SORCS3: variants seen among roughly 807,000 people sequenced by gnomAD.
SORCS3 encodes the protein sortilin related VPS10 domain containing receptor 3, also known as VPS10 domain-containing receptor SorCS3.
SORCS3 carries 57 observed loss-of-function variants against 146.3 expected under a neutral mutation model. The observed-to-expected ratio is 0.39, with a 90% CI of 0.31 to 0.49. The LOEUF (loss-of-function observed/expected upper bound fraction) is 0.49. Ranked by LOEUF, SORCS3 falls within the 20% of genes least tolerant of loss-of-function variation. The pLI is 0.92. For synonymous variants in SORCS3, 653 were observed against 618.5 expected (o/e 1.06, Z -0.83); for missense variants, 1,341 against 1,575.5 (o/e 0.85, Z 2.52).
At position 105,248,644 on chromosome 10, in the gene SORCS3, G is replaced by A. The variant is rs563940940; in HGVS notation, c.3105+1313G>A. 5.3e-5 allele frequency among the ~76,000 whole-genome samples: 8 copies of A among 151,550 alleles called. No homozygotes were observed. The South Asian group carries it at 1.5e-3, about 28-fold the overall frequency. On this transcript the variant is annotated intron_variant, in intron 22 of 26. Coordinates refer to ENST00000369701, the MANE Select transcript of SORCS3 (RefSeq NM_014978.3). ...CAGGAGAGTCACCTGAACCCAAAAGGCGGAGGTTGCATGAGCCGAGATATT... is the reference window on the plus strand; with the variant it reads ...CAGGAGAGTCACCTGAACCCAAAAGACGGAGGTTGCATGAGCCGAGATATT...
chr10:105,259,116 C>A (rs1386067866), intron 25 of SORCS3, among the ~76,000 whole-genome samples: 2 of 152,186 alleles, frequency 1.3e-5, no homozygotes, highest in East Asian at 3.8e-4. Flanking sequence ...TTGCTTCTTT[C>A]ATTACTATCC....
chr10:105,217,751 C>T, intron 19 of SORCS3: 1 of 450,530 alleles, frequency 2.2e-6, no homozygotes, highest in South Asian at 1.6e-5. Flanking sequence ...AGTTGGTGTT[C>T]CAAAATATTT....
chr10:105,190,915 A>C (rs1254046238), intron 14 of SORCS3, among the ~76,000 whole-genome samples: 1 of 152,202 alleles, frequency 6.6e-6, no homozygotes, highest in Non-Finnish European at 1.5e-5. Context: ...TATAGCAATC[A>C]CTATAAAATA....
chr10:104,680,760 G>C (rs1249534199), intron 1 of SORCS3, among the ~76,000 whole-genome samples: 1 of 152,260 alleles, frequency 6.6e-6, no homozygotes, highest in African/African-American at 2.4e-5. Flanking sequence ...ATGACTTCCA[G>C]GTTCTCTGGA....
intron 3 of SORCS3, among the ~76,000 whole-genome samples, chr10:104,959,600 G>A (rs1003573610): frequency 2.0e-5 from 3 of 152,142 alleles, no homozygotes; most frequent in African/African-American, 7.2e-5. Flanking sequence ...AGCCCCAGTG[G>A]ACTAAAACAG....
rs754266141 is a variant in SORCS3, at chr10:105,216,943, T to A, written c.2555T>A (p.Leu852Gln). 1 of 1,614,190 alleles carries A rather than the reference T, an allele frequency of 6.2e-7. No individual in the cohort carries two copies. The highest frequency in any genetic ancestry group is 2.2e-5 in the East Asian group (1 of 44,876). Residue 852 changes from leucine (L) to glutamine (Q), a missense_variant, in exon 19 of 27, where the codon CTA (leucine) becomes CAA (glutamine). By Grantham distance (113) the Leu-to-Gln change is moderately radical. Transcript: ENST00000369701. ...TFIILMEEGD[L>Q]QRTNIQLDFG... ...TGCTATGCCATCTTGCAGGGTGATC[T>A]ACAAAGGACAAACATCCAGCTTGAC...
At chr10:105,192,349 C>G (rs983692004) in intron 14 of SORCS3, among the ~76,000 whole-genome samples, 3 of 151,954 alleles carry the variant, frequency 2.0e-5, no homozygotes, top group Non-Finnish European at 4.4e-5. Flanking sequence ...GGTAAGCCAT[C>G]CCAAGCAGAG....
intron 3 of SORCS3, among the ~76,000 whole-genome samples, chr10:104,923,205 T>C (rs1192898397): frequency 6.6e-6 from 1 of 152,242 alleles, no homozygotes; most frequent in Non-Finnish European, 1.5e-5. Flanking sequence ...ACAGTGTTTT[T>C]CAGAGGGCTT....
At chr10:104,973,001 T>G (rs1467879848) in intron 3 of SORCS3, among the ~76,000 whole-genome samples, 1 of 152,182 alleles carries the variant, frequency 6.6e-6, no homozygotes, top group Non-Finnish European at 1.5e-5. Flanking sequence ...TTATATTTAT[T>G]GATTTGCGTA....
intron 5 of SORCS3, among the ~76,000 whole-genome samples, chr10:105,074,319 T>C (rs909326954): frequency 6.6e-6 from 1 of 152,172 alleles, no homozygotes; most frequent in Non-Finnish European, 1.5e-5. Context: ...GTCTCTAGTC[T>C]CTCATTGATA....
intron 1 of SORCS3, among the ~76,000 whole-genome samples, chr10:104,663,409 T>C (rs1423312883): frequency 6.6e-6 from 1 of 152,234 alleles, no homozygotes; most frequent in Non-Finnish European, 1.5e-5. Flanking sequence ...TTGTACTCCC[T>C]ACCCTGCAGT....
At chr10:104,977,730 C>CTTTTTTTTTTTT (rs796233007) in intron 4 of SORCS3, among the ~76,000 whole-genome samples, 23 of 122,894 alleles carry the variant, frequency 1.9e-4, no homozygotes, top group East Asian at 4.6e-4. Context: ...CTTTTCTTTT[C>CTTTTTTTTTTTT]TTTTTTTTTT....
chr10:105,247,585 T>C (rs899096756), intron 22 of SORCS3, among the ~76,000 whole-genome samples: 3 of 152,110 alleles, frequency 2.0e-5, no homozygotes, highest in Middle Eastern at 3.4e-3. Flanking sequence ...CTCCCTCTAC[T>C]AAAAATACAA....
chr10:105,060,856 C>T (rs920715038), intron 5 of SORCS3, among the ~76,000 whole-genome samples: 2 of 151,702 alleles, frequency 1.3e-5, no homozygotes, highest in Admixed American at 6.6e-5. Context: ...AGAATCCCTT[C>T]AACCCGGGAG....
intron 1 of SORCS3, among the ~76,000 whole-genome samples, chr10:104,658,515 CA>C (rs2015659849): frequency 6.6e-6 from 1 of 152,122 alleles, no homozygotes; most frequent in Non-Finnish European, 1.5e-5. Context: ...TCACTTGGCT[CA>C]GTTTGTATTT....
At chr10:104,839,718 G>A (rs76324197) in intron 1 of SORCS3, among the ~76,000 whole-genome samples, 8,132 of 152,218 alleles carry the variant, frequency 0.053, 661 homozygotes, top group African/African-American at 0.18. Context: ...ATTCACAGAA[G>A]TGTGGAAGGA....
intron 1 of SORCS3, among the ~76,000 whole-genome samples, chr10:104,774,009 C>T (rs554189191): frequency 6.6e-6 from 1 of 152,344 alleles, no homozygotes; most frequent in Admixed American, 6.5e-5. Context: ...CACCTATCCT[C>T]TGTTCCTTCT....
At chr10:105,237,775 G>A (rs1279141989) in intron 20 of SORCS3, among the ~76,000 whole-genome samples, 1 of 152,124 alleles carries the variant, frequency 6.6e-6, no homozygotes, top group African/African-American at 2.4e-5. Flanking sequence ...TGTGTACTGA[G>A]GGATTTTATT....
intron 4 of SORCS3, among the ~76,000 whole-genome samples, chr10:105,032,650 A>G (rs768811363): frequency 4.6e-5 from 7 of 152,204 alleles, no homozygotes; most frequent in Non-Finnish European, 7.3e-5. Context: ...GAACGTAGCT[A>G]TTATTATTTT....
Sources: gnomAD v4.1 joint callset for allele counts (sites outside exome capture counted in the v4.1 genomes callset) on GRCh38, gnomAD v4.1.1 for gene constraint, MANE v1.5 for transcripts, NCBI Gene and HGNC (gene_info 2026-07-23, HGNC 2026-07-21) for gene names.